TMEM132D: variants seen among roughly 807,000 people sequenced by gnomAD.
TMEM132D encodes the protein transmembrane protein 132D, also known as mature OL transmembrane protein.
Under a neutral mutation model 62.3 loss-of-function variants are expected in TMEM132D, and 21 were observed. The observed-to-expected ratio is 0.34, with a 90% CI of 0.24 to 0.49. The LOEUF (loss-of-function observed/expected upper bound fraction) is 0.49, where lower values mean the gene tolerates loss of function less well. TMEM132D is among the 20% of genes least tolerant of loss of function. The pLI, the probability that TMEM132D is intolerant of heterozygous loss-of-function variation, is 0.99. For missense variants in TMEM132D, 1,346 were observed against 1,402.8 expected (o/e 0.96, Z 0.65); for synonymous variants, 621 against 575.6 (o/e 1.08, Z -1.13).
intron 7 of TMEM132D, among the ~76,000 whole-genome samples, chr12:129,079,234 C>T (rs79259644): frequency 0.024 from 3,605 of 152,304 alleles, 164 homozygotes; most frequent in African/African-American, 0.082. Flanking sequence ...GCGGATCCTG[C>T]TGGTCCATCT....
In TMEM132D at chr12:129,832,138, C is replaced by A. The variant is rs1327904634; in HGVS notation, c.79+71123G>T. 4.0e-5 allele frequency among the ~76,000 whole-genome samples: 6 copies of A among 148,700 alleles called. No individual in the cohort carries two copies. In the East Asian group the frequency reaches 1.2e-3, roughly 30 times the overall value. ...TCCGGACCTCGTGATCCGCCCGTCT[C>A]AGCCTCCCAAAGAGCTGGGATTACA... On this transcript the variant is annotated intron_variant, in intron 1 of 8. Coordinates refer to ENST00000422113, the MANE Select transcript of TMEM132D (RefSeq NM_133448.3).
intron 1 of TMEM132D, among the ~76,000 whole-genome samples, chr12:129,761,897 A>G (rs1870392377): frequency 6.6e-6 from 1 of 152,182 alleles, no homozygotes; most frequent in Non-Finnish European, 1.5e-5. Context: ...ACTGGCACGC[A>G]AGTAAGCACA....
At chr12:129,112,782 T>A (rs1349899836) in intron 5 of TMEM132D, among the ~76,000 whole-genome samples, 1 of 152,152 alleles carries the variant, frequency 6.6e-6, no homozygotes, top group African/African-American at 2.4e-5. Context: ...TCTGCACAGG[T>A]TCAGAACATC....
In TMEM132D at chr12:129,827,606, G is replaced by A. The variant is rs925090714; in HGVS notation, c.79+75655C>T. Among the ~76,000 whole-genome samples, 1 of 152,164 alleles carries A rather than the reference G, an allele frequency of 6.6e-6. No homozygotes were observed. Among genetic ancestry groups the A allele is most frequent in the Non-Finnish European group, 1.5e-5 (1 of 68,046 alleles). On this transcript the variant is annotated intron_variant, in intron 1 of 8. Transcript: ENST00000422113. The surrounding 1 kb of genome is among the most constrained non-coding windows in gnomAD (Gnocchi z 9.7). Reference sequence around the variant, plus strand: ...TGAGCCTGCGGTGTTTCCTGCTGTGGCAGTTCACTAAATTAAATTTCAAAA... The same window carrying A: ...TGAGCCTGCGGTGTTTCCTGCTGTGACAGTTCACTAAATTAAATTTCAAAA...
chr12:129,676,911 A>G (rs1593116181), intron 2 of TMEM132D, among the ~76,000 whole-genome samples: 1 of 151,958 alleles, frequency 6.6e-6, no homozygotes, highest in Non-Finnish European at 1.5e-5. Flanking sequence ...CCACCCATCT[A>G]CCTATCCATT....
chr12:129,771,140 T>A (rs564095948), intron 1 of TMEM132D, among the ~76,000 whole-genome samples: 1 of 152,306 alleles, frequency 6.6e-6, no homozygotes, highest in African/African-American at 2.4e-5. Context: ...GCAGAATGTG[T>A]GTACATGAAG....
chr12:129,614,523 T>C (rs1878864106), intron 2 of TMEM132D, among the ~76,000 whole-genome samples: 1 of 152,200 alleles, frequency 6.6e-6, no homozygotes, highest in South Asian at 2.1e-4. Context: ...GTTCAAACAG[T>C]TCTGTCTGGA....
At chr12:129,547,636 T>C (rs1371707243) in intron 2 of TMEM132D, among the ~76,000 whole-genome samples, 3 of 152,084 alleles carry the variant, frequency 2.0e-5, no homozygotes, top group Non-Finnish European at 4.4e-5. Context: ...AGTGCACAAT[T>C]AAAATGTTGT....
intron 1 of TMEM132D, among the ~76,000 whole-genome samples, chr12:129,796,740 G>A (rs1593165130): frequency 6.6e-6 from 1 of 152,168 alleles, no homozygotes; most frequent in Non-Finnish European, 1.5e-5. Flanking sequence ...AGGGTGGGGA[G>A]TAAGGGGAGG....
At chr12:129,329,337 T>C (rs1869027967) in intron 4 of TMEM132D, among the ~76,000 whole-genome samples, 1 of 152,220 alleles carries the variant, frequency 6.6e-6, no homozygotes, top group Middle Eastern at 3.4e-3. Flanking sequence ...GTTGAGAAAG[T>C]ATAAAAATGA....
intron 3 of TMEM132D, among the ~76,000 whole-genome samples, chr12:129,420,023 G>A (rs1467959315): frequency 6.6e-6 from 1 of 152,072 alleles, no homozygotes; most frequent in Non-Finnish European, 1.5e-5. Context: ...TACATTTAAG[G>A]CACATTGGGT....
chr12:129,218,425 G>A (rs576068986), intron 4 of TMEM132D, among the ~76,000 whole-genome samples: 3 of 152,236 alleles, frequency 2.0e-5, no homozygotes, highest in South Asian at 2.1e-4. Flanking sequence ...TATTGTTCCT[G>A]GGCTACACAT....
rs184816367 is a variant in TMEM132D at position 129,604,453 on chromosome 12, T to C, written c.969-73248A>G. Among the ~76,000 whole-genome samples the C allele has an allele frequency of 7.9e-5, 12 of 152,296 alleles. No homozygotes were observed. The East Asian group carries it at 2.1e-3, about 27-fold the overall frequency. ...TTTATGAATAAAGGTGCTATAAACA[T>C]CCCGGTGCAGGTTATTTGTGGACAT... On this transcript the variant is annotated intron_variant, in intron 2 of 8. Transcript: ENST00000422113.
At chr12:129,388,126 G>A (rs1294577301) in intron 3 of TMEM132D, among the ~76,000 whole-genome samples, 1 of 128,220 alleles carries the variant, frequency 7.8e-6, no homozygotes, top group African/African-American at 2.9e-5. Context: ...CAGCACTGAT[G>A]ATAATATGAA....
chr12:129,336,647 T>A (rs78121274), intron 4 of TMEM132D, among the ~76,000 whole-genome samples: 2 of 151,756 alleles, frequency 1.3e-5, no homozygotes, highest in East Asian at 1.9e-4. Context: ...TCAGAGGCTG[T>A]TGAAGGACAG....
intron 4 of TMEM132D, among the ~76,000 whole-genome samples, chr12:129,321,618 G>T (rs866070754): frequency 6.6e-6 from 1 of 151,602 alleles, no homozygotes; most frequent in Non-Finnish European, 1.5e-5. Flanking sequence ...GTGCAGTGGC[G>T]CGATCTCAGC....
intron 3 of TMEM132D, among the ~76,000 whole-genome samples, chr12:129,380,863 C>G (rs1008016341): frequency 1.5e-4 from 23 of 152,160 alleles, no homozygotes; most frequent in Non-Finnish European, 1.5e-5. Flanking sequence ...CTCAGCATAA[C>G]TTTCTGAAGA....
At position 129,640,401 on chromosome 12, in the gene TMEM132D, T is replaced by C. The variant is rs543992439; in HGVS notation, c.968+59409A>G. Among the ~76,000 whole-genome samples, 8 of 152,348 alleles carry C rather than the reference T, an allele frequency of 5.3e-5. No individual in the cohort carries two copies. In the South Asian group the frequency reaches 1.7e-3, roughly 32 times the overall value. The stretch of plus-strand genomic sequence containing the variant: ...GCTTGCCATAAGAATGGGATGCTTC[T>C]TCTACCCTCCATGTTCCCATGGGGG... On this transcript the variant is annotated intron_variant, in intron 2 of 8. Coordinates refer to ENST00000422113, the MANE Select transcript of TMEM132D (RefSeq NM_133448.3).
In TMEM132D at chr12:129,180,174, G is replaced by A. The variant is rs1039530519; in HGVS notation, c.1443+29346C>T. ...ATTAACCCAGTAAGCACAATTCAAC[G>A]GGTATCCAGTGCATTCGTAAGCAGC... is the stretch of plus-strand genomic sequence containing the variant. On this transcript the variant is annotated intron_variant, in intron 5 of 8. Transcript: ENST00000422113. 3.3e-5 allele frequency among the ~76,000 whole-genome samples: 5 copies of A among 152,042 alleles called. No individual in the cohort carries two copies. The East Asian group carries it at 9.6e-4, about 29-fold the overall frequency.
Sources: allele counts gnomAD v4.1 joint callset (sites outside exome capture counted in the v4.1 genomes callset), GRCh38; gene constraint gnomAD v4.1.1; non-coding constraint Gnocchi (gnomAD v3.1); transcripts MANE v1.5; gene names NCBI Gene and HGNC (gene_info 2026-07-23, HGNC 2026-07-21).